The following CSTF3 variants were observed in gnomAD, a reference collection of about 807,000 sequenced individuals.
The protein encoded by CSTF3 is CF-1 77 kDa subunit.
CSTF3 carries 29 observed loss-of-function variants against 105.8 expected under a neutral mutation model. That is an observed-to-expected ratio of 0.27 (90% CI 0.20 to 0.37). The LOEUF (loss-of-function observed/expected upper bound fraction) is 0.37. CSTF3 is among the 10% of genes least tolerant of loss of function. CSTF3 has a pLI of 1.00. For synonymous variants in CSTF3, 252 were observed against 281.9 expected, an observed-to-expected ratio of 0.89 and a Z score of 1.06; for missense variants, 357 against 879.3, an observed-to-expected ratio of 0.41 and a Z score of 7.51.
chr11:33,139,720 CAT>C (rs762297297), intron 3 of CSTF3, among the ~76,000 whole-genome samples: 138 of 151,878 alleles, frequency 9.1e-4, no homozygotes, highest in Non-Finnish European at 1.6e-3. Context: ...GTTCTTAATA[CAT>C]GTTATATATA....
chr11:33,096,728 A>G (rs7103953), intron 14 of CSTF3, 107 bp downstream of exon 14: 401,705 of 1,114,978 alleles, frequency 0.36, 76,141 homozygotes, highest in Middle Eastern at 0.41. Flanking sequence ...CTGCCTTTAC[A>G]AAATGGAGCA....
At chr11:33,098,841 G>C in intron 12 of CSTF3, 77 bp from the exon 13 acceptor site, 2 of 1,266,602 alleles carry the variant, frequency 1.6e-6, no homozygotes, top group Non-Finnish European at 2.2e-6. Context: ...GAATCCAAAG[G>C]CTATAACCTC....
At chr11:33,131,843 G>A (rs181163492) in intron 3 of CSTF3, among the ~76,000 whole-genome samples, 11 of 152,176 alleles carry the variant, frequency 7.2e-5, no homozygotes, top group African/African-American at 9.6e-5. Flanking sequence ...CAGAGACTCC[G>A]TCTCAAAAAA....
At chr11:33,135,590 G>A (rs1379363583) in intron 3 of CSTF3, among the ~76,000 whole-genome samples, 17 of 152,082 alleles carry the variant, frequency 1.1e-4, no homozygotes. Context: ...TCTTGATTTA[G>A]TTTACTCACA....
chr11:33,159,180 G>A (rs184973573), intron 1 of CSTF3, among the ~76,000 whole-genome samples: 262 of 152,252 alleles, frequency 1.7e-3, no homozygotes, highest in African/African-American at 6.1e-3. Context: ...TGGACCAGGC[G>A]TGGTGGCTCG....
At chr11:33,144,825 C>T (rs929253989) in intron 1 of CSTF3, 6 of 173,214 alleles carry the variant, frequency 3.5e-5, no homozygotes, top group Admixed American at 1.3e-4. Context: ...TACCCAAATA[C>T]AAAAATTAGC....
chr11:33,135,880 T>C (rs1369637338), intron 3 of CSTF3, among the ~76,000 whole-genome samples: 2 of 152,116 alleles, frequency 1.3e-5, no homozygotes, highest in Non-Finnish European at 2.9e-5. Context: ...AGGTTGTAAC[T>C]GAACATGTTC....
intron 3 of CSTF3, among the ~76,000 whole-genome samples, chr11:33,131,270 T>C (rs1855596022): frequency 6.6e-6 from 1 of 152,160 alleles, no homozygotes; most frequent in Non-Finnish European, 1.5e-5. Flanking sequence ...TCTAAAAAGG[T>C]TTGCTTAAAT....
At chr11:33,132,350 T>TA (rs1371459896) in intron 3 of CSTF3, among the ~76,000 whole-genome samples, 1 of 150,682 alleles carries the variant, frequency 6.6e-6, no homozygotes, top group African/African-American at 2.4e-5. Context: ...CCCTCCCCCA[T>TA]AATAAAAAAC....
chr11:33,126,194 T>TC (rs747107557), intron 3 of CSTF3, among the ~76,000 whole-genome samples: 1 of 152,142 alleles, frequency 6.6e-6, no homozygotes, highest in Non-Finnish European at 1.5e-5. Flanking sequence ...GCACAGTGGC[T>TC]CATGCCTGTA....
chr11:33,096,450 C>A, intron 14 of CSTF3, 42 bp from the exon 15 acceptor site: 2 of 1,257,562 alleles, frequency 1.6e-6, no homozygotes, highest in South Asian at 2.6e-5. Context: ...CATGAAATGT[C>A]AGATAAAAAA....
chr11:33,133,011 A>G (rs1855616265), intron 3 of CSTF3, among the ~76,000 whole-genome samples: 1 of 152,088 alleles, frequency 6.6e-6, no homozygotes, highest in African/African-American at 2.4e-5. Context: ...TCTTCCCCAT[A>G]TGATTTATGA....
chr11:33,131,575 G>A lies in CSTF3; in HGVS notation c.225+10092C>T, dbSNP rs189433203. On this transcript the variant is annotated intron_variant, in intron 3 of 20. Coordinates refer to ENST00000323959, the MANE Select transcript of CSTF3 (RefSeq NM_001326.3). ...AATTAGATTTGAACAGGCCGGGTGC[G>A]GTGGCTCACGCCTGTAATCCCCGCA... Among the ~76,000 whole-genome samples, 1,400 of 152,264 alleles carry A rather than the reference G, an allele frequency of 9.2e-3. 6 individuals are homozygous for A. The highest frequency in any genetic ancestry group is 0.013 in the Non-Finnish European group (885 of 68,014).
At chr11:33,145,432 AC>A (rs1565018634) in intron 1 of CSTF3, among the ~76,000 whole-genome samples, 1 of 152,180 alleles carries the variant, frequency 6.6e-6, no homozygotes, top group Non-Finnish European at 1.5e-5. Flanking sequence ...TGTCAAAAAA[AC>A]ATTTTTTAAT....
intron 3 of CSTF3, among the ~76,000 whole-genome samples, chr11:33,130,801 C>T (rs1049631143): frequency 6.6e-6 from 1 of 151,682 alleles, no homozygotes; most frequent in African/African-American, 2.4e-5. Flanking sequence ...GGCAACATGG[C>T]AAAACAAAAA....
intron 1 of CSTF3, among the ~76,000 whole-genome samples, chr11:33,150,219 T>TAAAAAAAAAAAAAAAAAA (rs10714096): frequency 9.6e-6 from 1 of 104,398 alleles, no homozygotes; most frequent in Non-Finnish European, 1.9e-5. Flanking sequence ...TGTCTCAAAC[T>TAAAAAAAAAAAAAAAAAA]AAAAAAAAAA....
At chr11:33,109,137 C>T (rs147932508) in intron 3 of CSTF3, among the ~76,000 whole-genome samples, 1 of 152,132 alleles carries the variant, frequency 6.6e-6, no homozygotes, top group East Asian at 1.9e-4. Flanking sequence ...AAGAGTTATT[C>T]CAGGCAGGAG....
intron 9 of CSTF3, among the ~76,000 whole-genome samples, chr11:33,102,860 C>G (rs533903561): frequency 6.6e-6 from 1 of 152,102 alleles, no homozygotes; most frequent in South Asian, 2.1e-4. Context: ...TAAGTAGAGC[C>G]TTGTCTCTCT....
At chr11:33,089,698 T>G (rs1855146804) in intron 17 of CSTF3, among the ~76,000 whole-genome samples, 1 of 152,170 alleles carries the variant, frequency 6.6e-6, no homozygotes, top group African/African-American at 2.4e-5. Context: ...CTCAAAATAT[T>G]TTATCTGGAT....
Sources: allele counts gnomAD v4.1 joint callset (sites outside exome capture counted in the v4.1 genomes callset), GRCh38; gene constraint gnomAD v4.1.1; transcripts MANE v1.5; gene names NCBI Gene and HGNC (gene_info 2026-07-23, HGNC 2026-07-21).